SNX24: variants seen among roughly 807,000 people sequenced by gnomAD.
The protein encoded by SNX24 is sorting nexin 24, also known as sorting nexin-24.
Under a neutral mutation model 28.7 loss-of-function variants are expected in SNX24, and 22 were observed. That is an observed-to-expected ratio of 0.77 (90% CI 0.55 to 1.10). The LOEUF (loss-of-function observed/expected upper bound fraction) is 1.10. Among genes scored for constraint, SNX24 ranks in the 50% least tolerant of loss-of-function variants. The pLI, the probability that SNX24 is intolerant of heterozygous loss-of-function variation, is 0.00. For synonymous variants in SNX24, 69 were observed against 71.5 expected, an observed-to-expected ratio of 0.96 and a Z score of 0.18; for missense variants, 221 against 201.1, an observed-to-expected ratio of 1.10 and a Z score of -0.60.
At chr5:122,978,192 A>G (rs1181297865) in intron 3 of SNX24, among the ~76,000 whole-genome samples, 3 of 152,222 alleles carry the variant, frequency 2.0e-5, no homozygotes, top group Non-Finnish European at 4.4e-5. Flanking sequence ...AACACGAATT[A>G]TATCTAATGT....
At chr5:123,012,216 C>T (rs395981), downstream of SNX24, among the ~76,000 whole-genome samples, 35,236 of 152,130 alleles carry the variant, frequency 0.23, 5,221 homozygotes, top group Non-Finnish European at 0.34. Context: ...TACCCACTCT[C>T]GGGCAGTCCT....
intron 1 of SNX24, among the ~76,000 whole-genome samples, chr5:122,858,412 G>A (rs1220191554): frequency 6.6e-6 from 1 of 152,200 alleles, no homozygotes; most frequent in Middle Eastern, 3.2e-3. Context: ...GCACATTAAA[G>A]CAAAGTATAG....
chr5:122,946,507 C>T (rs1321068350), intron 3 of SNX24, among the ~76,000 whole-genome samples: 1 of 151,976 alleles, frequency 6.6e-6, no homozygotes, highest in Non-Finnish European at 1.5e-5. Flanking sequence ...CCAGCCTTCA[C>T]GTTTTGAGTT....
chr5:122,932,705 A>G (rs1318835134), intron 1 of SNX24, among the ~76,000 whole-genome samples: 1 of 151,932 alleles, frequency 6.6e-6, no homozygotes, highest in Non-Finnish European at 1.5e-5. Context: ...AAAAATACAA[A>G]AAAATTAGCT....
chr5:122,981,561 T>C (rs1301879647), intron 3 of SNX24, among the ~76,000 whole-genome samples: 1 of 152,260 alleles, frequency 6.6e-6, no homozygotes, highest in Non-Finnish European at 1.5e-5. Context: ...TATAACAGCC[T>C]CAATATTTGC....
At chr5:123,018,595 T>C (rs926273042) in intron 5 of SNX24, among the ~76,000 whole-genome samples, 1 of 152,206 alleles carries the variant, frequency 6.6e-6, no homozygotes, top group Non-Finnish European at 1.5e-5. Flanking sequence ...AATAAAACTT[T>C]ACAAGTGTGT....
At chr5:122,904,185 G>A (rs1236700415) in intron 1 of SNX24, among the ~76,000 whole-genome samples, 1 of 149,740 alleles carries the variant, frequency 6.7e-6, no homozygotes, top group Admixed American at 6.6e-5. Context: ...TTTTTTTTTT[G>A]TTTTCTTTTT....
chr5:123,005,734 A>T (rs946914332), intron 6 of SNX24, among the ~76,000 whole-genome samples: 1 of 152,230 alleles, frequency 6.6e-6, no homozygotes, highest in Non-Finnish European at 1.5e-5. Flanking sequence ...ATTTATGGCA[A>T]TTGATTTTAA....
intron 6 of SNX24, 29 bp downstream of exon 6, chr5:123,002,033 T>C: frequency 6.4e-7 from 1 of 1,559,142 alleles, no homozygotes. Flanking sequence ...TGCTAACAGC[T>C]CTTTACTGAT....
At position 122,890,718 on chromosome 5, in the gene SNX24, G is replaced by A. The variant is rs985984432; in HGVS notation, c.60+45025G>A. 7.9e-5 allele frequency among the ~76,000 whole-genome samples: 12 copies of A among 152,136 alleles called. No individual in the cohort carries two copies. The East Asian group carries it at 2.1e-3, about 27-fold the overall frequency. The stretch of plus-strand genomic sequence containing the variant: ...ACTTCTGACCTCAAGTGATCTGCCC[G>A]TCTCAGCCTCCCAAAGGGCTGGAAG... On this transcript the variant is annotated intron_variant, in intron 1 of 6. Transcript: ENST00000261369.
intron 1 of SNX24, among the ~76,000 whole-genome samples, chr5:122,934,864 C>G (rs181753096): frequency 9.6e-4 from 146 of 152,270 alleles, no homozygotes; most frequent in African/African-American, 2.6e-3. Flanking sequence ...CACCCTCCCC[C>G]ACCCTTCATT....
chr5:122,980,397 G>A (rs1295880864), intron 3 of SNX24, among the ~76,000 whole-genome samples: 1 of 152,026 alleles, frequency 6.6e-6, no homozygotes, highest in Non-Finnish European at 1.5e-5. Context: ...TGTTTGTGGA[G>A]GAGAGAGGCA....
chr5:122,948,827 G>A (rs1759808018), intron 3 of SNX24, among the ~76,000 whole-genome samples: 1 of 152,166 alleles, frequency 6.6e-6, no homozygotes, highest in South Asian at 2.1e-4. Context: ...TTCTTCATGT[G>A]TTGTGGATTT....
chr5:122,916,369 TG>T (rs1319878596), intron 1 of SNX24, among the ~76,000 whole-genome samples: 1 of 152,234 alleles, frequency 6.6e-6, no homozygotes, highest in Non-Finnish European at 1.5e-5. Flanking sequence ...TACATTTCCT[TG>T]GCCCCCTCTT....
chr5:122,975,036 A>G (rs760852584), intron 3 of SNX24, among the ~76,000 whole-genome samples: 3 of 152,296 alleles, frequency 2.0e-5, no homozygotes, highest in East Asian at 1.9e-4. Flanking sequence ...GAGGACCACA[A>G]TGATGTTTTG....
At chr5:122,888,700 A>G (rs1259702426) in intron 1 of SNX24, among the ~76,000 whole-genome samples, 2 of 152,176 alleles carry the variant, frequency 1.3e-5, no homozygotes, top group African/African-American at 4.8e-5. Flanking sequence ...TGGCCATAAG[A>G]ATCCCCATTT....
chr5:122,859,309 A>G (rs952023180), intron 1 of SNX24, among the ~76,000 whole-genome samples: 1 of 152,038 alleles, frequency 6.6e-6, no homozygotes, highest in African/African-American at 2.4e-5. Flanking sequence ...TGTTCCCCCA[A>G]CAAAATAAAT....
intron 1 of SNX24, among the ~76,000 whole-genome samples, chr5:122,932,591 C>A (rs148706604): frequency 6.6e-6 from 1 of 152,150 alleles, no homozygotes; most frequent in Non-Finnish European, 1.5e-5. Flanking sequence ...TCATTTTAGC[C>A]GGGTGCAGTG....
chr5:122,868,127 T>C (rs888023952), intron 1 of SNX24, among the ~76,000 whole-genome samples: 7 of 152,330 alleles, frequency 4.6e-5, no homozygotes, highest in African/African-American at 1.7e-4. Flanking sequence ...TAGGGAACTC[T>C]CCATGGGGCC....
Sources: allele counts gnomAD v4.1 joint callset (sites outside exome capture counted in the v4.1 genomes callset), GRCh38; gene constraint gnomAD v4.1.1; transcripts MANE v1.5; gene names NCBI Gene and HGNC (gene_info 2026-07-23, HGNC 2026-07-21).